The following ABCC8 variants were observed in gnomAD, a reference collection of about 807,000 sequenced individuals.
ABCC8 encodes the protein ATP-binding cassette sub-family C member 8.
ABCC8 carries 137 observed loss-of-function variants against 188.0 expected under a neutral mutation model. The ratio of observed to expected loss-of-function variants is 0.73; its 90% CI spans 0.63 to 0.84. ABCC8 has a LOEUF of 0.84. ABCC8 is among the 40% of genes least tolerant of loss of function. ABCC8 has a pLI of 0.00. For synonymous variants in ABCC8, 797 were observed against 846.5 expected (o/e 0.94, Z 1.01); for missense variants, 1,750 against 2,072.7 (o/e 0.84, Z 3.02).
chr11:17,392,865 A>G (rs1953697466), downstream of ABCC8: 8 of 1,220,288 alleles, frequency 6.6e-6, no homozygotes, highest in South Asian at 5.0e-5. Flanking sequence ...GCCCCTGCCC[A>G]CCAGACTTAG....
At chr11:17,441,662 C>T (rs2237978) in intron 10 of ABCC8, among the ~76,000 whole-genome samples, 43,612 of 152,048 alleles carry the variant, frequency 0.29, 6,589 homozygotes, top group Middle Eastern at 0.47. Flanking sequence ...CACGGAGCCA[C>T]GAGACCAACT....
At chr11:17,453,328 A>G (rs755311760) in intron 6 of ABCC8, 45 bp from the exon 7 acceptor site, 19 of 1,610,396 alleles carry the variant, frequency 1.2e-5, no homozygotes, top group Middle Eastern at 3.3e-4. Flanking sequence ...TGCCAGCAAA[A>G]TGACCACCGT....
intron 22 of ABCC8, among the ~76,000 whole-genome samples, chr11:17,408,782 G>A (rs537498350): frequency 2.1e-4 from 32 of 152,224 alleles, no homozygotes; most frequent in Non-Finnish European, 4.4e-4. Context: ...CAAGCTGGCT[G>A]GTTACTCACA....
chr11:17,433,733 C>T (rs187496437), intron 10 of ABCC8, among the ~76,000 whole-genome samples: 57 of 152,352 alleles, frequency 3.7e-4, no homozygotes, highest in African/African-American at 1.3e-3. Context: ...GGCAAGGCTC[C>T]TGCAATTGGA....
Position 17,410,653 on chromosome 11 carries a change from C to T in ABCC8, c.2557G>A (p.Asp853Asn), listed in dbSNP as rs1954765607. The T allele has an allele frequency of 6.2e-7, 1 of 1,614,024 alleles. No individual in the cohort carries two copies. Among genetic ancestry groups the T allele is most frequent in the Non-Finnish European group, 8.5e-7 (1 of 1,179,966 alleles). The change falls in exon 22 of 39, where the codon GAT (aspartate) becomes AAT (asparagine). Residue 853 changes from aspartate to asparagine, a missense_variant and splice_region_variant. Coordinates refer to ENST00000389817, the MANE Select transcript of ABCC8 (RefSeq NM_000352.6). ...LYQHANVVFLDDPFSALDIHL... is the reference protein window; with the variant it reads ...LYQHANVVFLNDPFSALDIHL... ...ATATCCAGAGCTGAGAAGGGGTCATCCTGGGCAGAAGGGAGAGGAAGAGAG... is the reference window on the plus strand; with the variant it reads ...ATATCCAGAGCTGAGAAGGGGTCATTCTGGGCAGAAGGGAGAGGAAGAGAG...
intron 23 of ABCC8, among the ~76,000 whole-genome samples, chr11:17,407,966 T>C (rs1954622750): frequency 6.6e-6 from 1 of 152,090 alleles, no homozygotes; most frequent in Admixed American, 6.5e-5. Flanking sequence ...CTGAGCCAAT[T>C]TGAGGGGAGC....
At chr11:17,456,166 G>A (rs758923510) in intron 6 of ABCC8, among the ~76,000 whole-genome samples, 12 of 152,114 alleles carry the variant, frequency 7.9e-5, no homozygotes, top group Non-Finnish European at 1.5e-4. Flanking sequence ...GAAAATCATA[G>A]GCCCTAGTCT....
Position 17,395,215 on chromosome 11 carries a change from G to A in ABCC8, c.4368C>T (p.Ile1456=), listed in dbSNP as rs193922403. The change falls in exon 36 of 39, where the codon ATC becomes ATT. Residue 1456 remains isoleucine (I), a synonymous_variant. Transcript: ENST00000389817. ...SDSTLWEALE[I]AQLKLVVKAL... Reference sequence around the variant, plus strand: ...CCTTCACCACCAGCTTCAGCTGGGCGATTTCCAGGGCCTCCCACAGTGTGC... The same window carrying A: ...CCTTCACCACCAGCTTCAGCTGGGCAATTTCCAGGGCCTCCCACAGTGTGC... The A allele has an allele frequency of 8.0e-5, 127 of 1,597,386 alleles. No individual in the cohort carries two copies. The South Asian group carries it at 1.4e-3, about 17-fold the overall frequency.
chr11:17,405,707 C>T, intron 26 of ABCC8, 144 bp from the exon 27 acceptor site: 4 of 1,498,236 alleles, frequency 2.7e-6, no homozygotes, highest in South Asian at 1.2e-5. Context: ...AGACATCTGG[C>T]CTGTATCCCC....
chr11:17,434,333 C>T (rs1044642898), intron 10 of ABCC8, among the ~76,000 whole-genome samples: 2 of 152,228 alleles, frequency 1.3e-5, no homozygotes, highest in African/African-American at 4.8e-5. Flanking sequence ...TGCTACAACG[C>T]TCTTGGAAAG....
Position 17,474,855 on chromosome 11 carries a change from C to T in ABCC8, c.290+31G>A, listed in dbSNP as rs775877107. On this transcript the variant is annotated intron_variant, in intron 2 of 38. Transcript: ENST00000389817. ...TTCAGGAAGTACCCTGGAGCAGATT[C>T]ACTTTCCTGAGTCCTCAGACAGTCA... The T allele has an allele frequency of 2.5e-6, 4 of 1,610,304 alleles. No individual in the cohort carries two copies. The Admixed American group carries it at 6.7e-5, about 27-fold the overall frequency.
At chr11:17,407,264 C>T (rs1591745922) in intron 24 of ABCC8, 90 bp downstream of exon 24, 1 of 1,611,288 alleles carries the variant, frequency 6.2e-7, no homozygotes, top group Non-Finnish European at 8.5e-7. Flanking sequence ...AGGCACACTA[C>T]TGCACCACAC....
At chr11:17,436,982 T>C (rs566036673) in intron 10 of ABCC8, among the ~76,000 whole-genome samples, 2 of 148,506 alleles carry the variant, frequency 1.3e-5, no homozygotes, top group Admixed American at 1.4e-4. Flanking sequence ...TCCTAGCTAC[T>C]CGAGAGGCTG....
At chr11:17,438,430 A>G (rs1014797204) in intron 10 of ABCC8, among the ~76,000 whole-genome samples, 3 of 152,220 alleles carry the variant, frequency 2.0e-5, no homozygotes, top group Non-Finnish European at 2.9e-5. Context: ...TGGGAGGGCC[A>G]GGGCCATGCC....
chr11:17,398,438 A>G lies in ABCC8; in HGVS notation c.3654T>C (p.Tyr1218=), dbSNP rs769968875. The change falls in exon 30 of 39, where the codon TAT becomes TAC. Residue 1218 remains tyrosine, a synonymous_variant. Transcript: ENST00000389817. ...GAAGCTTCTGCTGGAACCGGGCCTC[A>G]TACCTGGAGGGAGGATGAGAAGCTC... ...EGLTTIRAFR[Y]EARFQQKLLE... The G allele has an allele frequency of 1.9e-6, 3 of 1,613,942 alleles. No homozygotes were observed. The African/African-American group carries it at 4.0e-5, about 22-fold the overall frequency.
intron 29 of ABCC8, among the ~76,000 whole-genome samples, chr11:17,400,597 AC>A (rs2133423143): frequency 6.6e-6 from 1 of 152,138 alleles, no homozygotes; most frequent in African/African-American, 2.4e-5. Flanking sequence ...AACGAAAACA[AC>A]CTCCGAGCCC....
intron 37 of ABCC8, 149 bp downstream of exon 37, chr11:17,394,117 G>T: frequency 9.3e-7 from 1 of 1,079,090 alleles, no homozygotes; most frequent in Admixed American, 1.9e-5. Flanking sequence ...CAGAGTCAGG[G>T]TCCCCCCAGC....
At chr11:17,476,583 C>T (rs369242229) in intron 1 of ABCC8, 46 bp downstream of exon 1, 16 of 1,598,250 alleles carry the variant, frequency 1.0e-5, no homozygotes, top group African/African-American at 5.4e-5. Flanking sequence ...CCTCCTCCCT[C>T]CCTGCTCTCC....
chr11:17,405,106 C>A (rs1326078874), intron 27 of ABCC8, among the ~76,000 whole-genome samples: 1 of 152,202 alleles, frequency 6.6e-6, no homozygotes. Context: ...ATCTCTCCAG[C>A]TACAAGGTAA....
Sources: allele counts gnomAD v4.1 joint callset (sites outside exome capture counted in the v4.1 genomes callset), GRCh38; gene constraint gnomAD v4.1.1; transcripts MANE v1.5; gene names NCBI Gene and HGNC (gene_info 2026-07-23, HGNC 2026-07-21).